RHCE: variants seen among roughly 807,000 people sequenced by gnomAD.
RHCE encodes blood group Rh(CE) polypeptide.
Under a neutral mutation model 43.8 loss-of-function variants are expected in RHCE, and 22 were observed. The ratio of observed to expected loss-of-function variants is 0.50; its 90% confidence interval spans 0.36 to 0.72. The LOEUF (loss-of-function observed/expected upper bound fraction) is 0.72. Ranked by LOEUF, RHCE falls within the 30% of genes least tolerant of loss-of-function variation. The probability of loss-of-function intolerance (pLI) is 0.00; values close to 1 mark genes in which losing one functional copy is unlikely to be tolerated. For missense variants in RHCE, 385 were observed against 525.4 expected (o/e 0.73, Z 2.61); for synonymous variants, 156 against 210.7 (o/e 0.74, Z 2.25).
At chr1:25,402,822 T>C (rs1646801030) in intron 2 of RHCE, 76 bp from the exon 3 acceptor site, 1 of 1,569,784 alleles carries the variant, frequency 6.4e-7, no homozygotes, top group Non-Finnish European at 8.7e-7. Flanking sequence ...CATTCATTCA[T>C]TCAACAAACA....
At chr1:25,370,720 A>G (rs112525815) in intron 8 of RHCE, among the ~76,000 whole-genome samples, 180 bp from the exon 9 acceptor site, 4 of 118,930 alleles carry the variant, frequency 3.4e-5, no homozygotes, top group Non-Finnish European at 7.6e-5. Context: ...AATTCTGTAG[A>G]CTATTTTATT....
chr1:25,375,770 C>A (rs1645764902), intron 7 of RHCE, among the ~76,000 whole-genome samples: 1 of 146,334 alleles, frequency 6.8e-6, no homozygotes, highest in South Asian at 2.1e-4. Flanking sequence ...CCTCTCAGAG[C>A]CTCCAGTTTT....
intron 8 of RHCE, among the ~76,000 whole-genome samples, chr1:25,370,872 C>A (rs1174042113): frequency 2.7e-5 from 4 of 150,254 alleles, no homozygotes; most frequent in African/African-American, 9.9e-5. Context: ...CCTCAGCCTC[C>A]CAAGTAGCTA....
At chr1:25,383,174 A>G (rs3118463) in intron 7 of RHCE, among the ~76,000 whole-genome samples, 22 of 152,218 alleles carry the variant, frequency 1.4e-4, no homozygotes, top group African/African-American at 3.4e-4. Flanking sequence ...GCATGATTCA[A>G]TGCCATTTCA....
chr1:25,370,466 C>A lies in RHCE; in HGVS notation c.1227+1G>T. The A allele has an allele frequency of 6.2e-7, 1 of 1,610,654 alleles. No homozygotes were observed. ...TCACGTTAATAGGTGAAAAATCTTACCTTCCAGAAAACTTGGTCATCAAAA... is the reference window on the plus strand; with the variant it reads ...TCACGTTAATAGGTGAAAAATCTTAACTTCCAGAAAACTTGGTCATCAAAA... On this transcript the variant is annotated splice_donor_variant, in intron 9 of 9. Coordinates refer to ENST00000294413, the MANE Select transcript of RHCE (RefSeq NM_020485.8). LOFTEE classifies it high-confidence loss of function.
intron 6 of RHCE, among the ~76,000 whole-genome samples, chr1:25,386,852 C>A (rs1475142783): frequency 1.3e-4 from 19 of 150,276 alleles, no homozygotes; most frequent in African/African-American, 4.4e-4. Flanking sequence ...AACACACACA[C>A]ACACACACAC....
chr1:25,390,687 C>A (rs1047705525), intron 5 of RHCE, 62 bp downstream of exon 5: 152 of 1,593,564 alleles, frequency 9.5e-5, no homozygotes, highest in Non-Finnish European at 1.3e-4. Context: ...TGGGGAGGGG[C>A]ATAAATATGT....
chr1:25,414,302 T>C (rs1156559619), intron 1 of RHCE, among the ~76,000 whole-genome samples: 1 of 152,028 alleles, frequency 6.6e-6, no homozygotes, highest in Non-Finnish European at 1.5e-5. Context: ...CCTCCCACTC[T>C]TGCCCCTCCC....
chr1:25,393,559 T>C lies in RHCE; in HGVS notation c.487-1418A>G, dbSNP rs182213383. Among the ~76,000 whole-genome samples the C allele has an allele frequency of 3.4e-3, 512 of 152,276 alleles. 3 individuals are homozygous for C. Among genetic ancestry groups the C allele is most frequent in the African/African-American group, 0.012 (483 of 41,544 alleles). On this transcript the variant is annotated intron_variant, in intron 3 of 9. Transcript: ENST00000294413. The stretch of plus-strand genomic sequence containing the variant: ...TCACTGGAACCTGGGAGGCAGAGGC[T>C]GTAGTGAGCTGAGATGGCGCCACTG...
At chr1:25,416,926 T>C (rs1025565867) in intron 1 of RHCE, among the ~76,000 whole-genome samples, 35 of 151,770 alleles carry the variant, frequency 2.3e-4, no homozygotes, top group African/African-American at 8.4e-4. Flanking sequence ...TTTTTTTTTT[T>C]TTAATTAACT....
At chr1:25,406,370 T>C (rs1392879960) in intron 2 of RHCE, among the ~76,000 whole-genome samples, 1 of 121,268 alleles carries the variant, frequency 8.2e-6, no homozygotes, top group Non-Finnish European at 1.9e-5. Flanking sequence ...TACAGTGCAA[T>C]GGCGCGATCT....
chr1:25,372,356 C>T (rs1278496683), intron 8 of RHCE, among the ~76,000 whole-genome samples: 1 of 151,552 alleles, frequency 6.6e-6, no homozygotes, highest in East Asian at 1.9e-4. Flanking sequence ...CCTGTCTCTA[C>T]TAAAAATACA....
intron 7 of RHCE, among the ~76,000 whole-genome samples, chr1:25,378,675 A>G (rs1571843270): frequency 6.6e-6 from 1 of 152,116 alleles, no homozygotes; most frequent in Non-Finnish European, 1.5e-5. Context: ...GGATGCCCTC[A>G]CCCAGTTACT....
intron 1 of RHCE, among the ~76,000 whole-genome samples, chr1:25,416,242 G>T (rs572444613): frequency 1.3e-5 from 2 of 151,948 alleles, no homozygotes; most frequent in South Asian, 4.2e-4. Context: ...CTAATGGCAG[G>T]GTTTTATGTT....
At chr1:25,385,550 G>C in intron 7 of RHCE, 161 bp downstream of exon 7, 1 of 1,115,252 alleles carries the variant, frequency 9.0e-7, no homozygotes, top group Non-Finnish European at 1.3e-6. Context: ...CCAAGGTAGG[G>C]GCTGGACATA....
In RHCE at chr1:25,420,648, A is replaced by T. The variant is rs779533868; in HGVS notation, c.139T>A (p.Ser47Thr). Residue 47 changes from serine to threonine, a missense_variant, in exon 1 of 10, where the codon TCC becomes ACC. Around this residue, in one of 6 missense-constraint regions of RHCE, gnomAD observed 110 missense variants for 192.1 expected, o/e 0.57. Coordinates refer to ENST00000294413, the MANE Select transcript of RHCE (RefSeq NM_020485.8). Reference sequence around the variant, plus strand: ...TCCAATGAACTCTCACCTTGATAGGATGCCACGAGCCCCTTTTGATCCTCT... The same window carrying T: ...TCCAATGAACTCTCACCTTGATAGGTTGCCACGAGCCCCTTTTGATCCTCT... ...SLEDQKGLVA[S>T]YQVGQDLTVM... The T allele has an allele frequency of 6.2e-7, 1 of 1,613,850 alleles. No homozygotes were observed. Among genetic ancestry groups the T allele is most frequent in the South Asian group, 1.1e-5 (1 of 91,068 alleles).
In RHCE at chr1:25,420,748, C is replaced by T. The variant is rs1375659493; in HGVS notation, c.39G>A (p.Leu13=). 6.2e-7 allele frequency: 1 copy of T among 1,609,086 alleles called. No individual in the cohort carries two copies. Among genetic ancestry groups the T allele is most frequent in the Non-Finnish European group, 8.5e-7 (1 of 1,177,026 alleles). ...CTTCCAGTGTTAGGGCGCAGAGGGG[C>T]AGGCAGCGCCGGACAGACCGCGGGT... ...SKYPRSVRRC[L]PLCALTLEAA... is the part of the protein sequence containing the mutation. Residue 13 remains leucine (L), a synonymous_variant, in exon 1 of 10, where the codon CTG becomes CTA. Transcript: ENST00000294413.
At chr1:25,393,616 G>A (rs1557621396) in intron 3 of RHCE, among the ~76,000 whole-genome samples, 5 of 148,966 alleles carry the variant, frequency 3.4e-5, no homozygotes, top group Non-Finnish European at 2.9e-5. Flanking sequence ...GTGAGACTGC[G>A]TCAAATAAAT....
At chr1:25,396,509 A>C (rs899639425) in intron 3 of RHCE, among the ~76,000 whole-genome samples, 9 of 152,248 alleles carry the variant, frequency 5.9e-5, no homozygotes, top group African/African-American at 2.2e-4. Flanking sequence ...TTATAAACAA[A>C]AGAGGCTGAA....
Sources: allele counts gnomAD v4.1 joint callset (sites outside exome capture counted in the v4.1 genomes callset), GRCh38; gene constraint gnomAD v4.1.1; regional missense constraint gnomAD v4.1.1; transcripts MANE v1.5; gene names NCBI Gene and HGNC (gene_info 2026-07-23, HGNC 2026-07-21).